The following SLIT3 variants were observed in gnomAD, a reference collection of about 807,000 sequenced individuals.
SLIT3 encodes slit homolog 3 protein.
In SLIT3, 68 loss-of-function variants were observed where a neutral mutation model predicts 184.0. The observed-to-expected ratio is 0.37, with a 90% CI of 0.30 to 0.45. The LOEUF is 0.45. Among genes scored for constraint, SLIT3 ranks in the 20% least tolerant of loss-of-function variants. The pLI, the probability that SLIT3 is intolerant of heterozygous loss-of-function variation, is 1.00. For missense variants in SLIT3, 1,707 were observed against 2,026.0 expected, an observed-to-expected ratio of 0.84 and a Z score of 3.02; for synonymous variants, 831 against 828.6, an observed-to-expected ratio of 1.00 and a Z score of -0.05.
chr5:168,967,623 G>A (rs1031371407), intron 4 of SLIT3, among the ~76,000 whole-genome samples: 2 of 142,168 alleles, frequency 1.4e-5, no homozygotes, highest in African/African-American at 5.0e-5. Flanking sequence ...TGTATTTTTA[G>A]TAGAGACGGG....
chr5:169,234,892 G>A (rs1366143765), intron 3 of SLIT3, among the ~76,000 whole-genome samples: 1 of 152,036 alleles, frequency 6.6e-6, no homozygotes, highest in Non-Finnish European at 1.5e-5. Flanking sequence ...ATAAGGTTTT[G>A]GCATCAAAAA....
intron 4 of SLIT3, among the ~76,000 whole-genome samples, chr5:169,080,756 G>A (rs756464983): frequency 3.3e-5 from 5 of 152,094 alleles, no homozygotes; most frequent in Non-Finnish European, 7.4e-5. Flanking sequence ...CTGCAGTTAC[G>A]TCCTCAGCTG....
chr5:168,755,122 C>T (rs917129842), intron 16 of SLIT3, among the ~76,000 whole-genome samples: 1 of 152,158 alleles, frequency 6.6e-6, no homozygotes. Context: ...CGATGGCTGT[C>T]GGACTCATTT....
chr5:169,167,902 C>T (rs1043028800), intron 4 of SLIT3, among the ~76,000 whole-genome samples: 1 of 152,242 alleles, frequency 6.6e-6, no homozygotes, highest in Admixed American at 6.5e-5. Flanking sequence ...CAAGGAACTT[C>T]TCCATAATTT....
At chr5:168,775,777 A>G (rs1436620654) in intron 12 of SLIT3, among the ~76,000 whole-genome samples, 1 of 152,148 alleles carries the variant, frequency 6.6e-6, no homozygotes, top group East Asian at 1.9e-4. Context: ...ATCCATGAGG[A>G]AGCTGTTTTT....
At chr5:169,256,325 C>A (rs576277468) in intron 1 of SLIT3, among the ~76,000 whole-genome samples, 14 of 152,160 alleles carry the variant, frequency 9.2e-5, no homozygotes, top group Non-Finnish European at 8.8e-5. Flanking sequence ...TCTAGATACA[C>A]AAATACTCAC....
intron 4 of SLIT3, among the ~76,000 whole-genome samples, chr5:169,165,617 C>T (rs1210996249): frequency 6.6e-6 from 1 of 151,982 alleles, no homozygotes; most frequent in Non-Finnish European, 1.5e-5. Context: ...CATATGGCTC[C>T]TTCCCTCACC....
intron 5 of SLIT3, among the ~76,000 whole-genome samples, chr5:168,846,670 A>T (rs1758484276): frequency 6.6e-6 from 1 of 152,218 alleles, no homozygotes; most frequent in Non-Finnish European, 1.5e-5. Context: ...GATCTAAATC[A>T]TCACATTGGG....
chr5:168,858,706 T>A (rs1758994143), intron 5 of SLIT3, among the ~76,000 whole-genome samples: 1 of 152,268 alleles, frequency 6.6e-6, no homozygotes, highest in Non-Finnish European at 1.5e-5. Context: ...TGTCTTCCTA[T>A]ACTTCCTTAA....
At chr5:168,907,508 G>C (rs1038922743) in intron 4 of SLIT3, among the ~76,000 whole-genome samples, 34 of 152,300 alleles carry the variant, frequency 2.2e-4, no homozygotes, top group African/African-American at 7.9e-4. Flanking sequence ...CATCAGTCGT[G>C]AGTTCTGGGT....
chr5:169,067,562 G>C (rs952793439), intron 4 of SLIT3, among the ~76,000 whole-genome samples: 1 of 152,232 alleles, frequency 6.6e-6, no homozygotes, highest in African/African-American at 2.4e-5. Context: ...GTCCAATGCT[G>C]ATGTTGCGGA....
intron 4 of SLIT3, among the ~76,000 whole-genome samples, chr5:169,077,541 A>AAG (rs900677289): frequency 6.6e-6 from 1 of 152,026 alleles, no homozygotes; most frequent in African/African-American, 2.4e-5. Flanking sequence ...CCCGTCTCAA[A>AAG]AAAACAAAAA....
intron 4 of SLIT3, chr5:169,012,865 T>TA (rs1260024376): frequency 6.6e-6 from 1 of 152,260 alleles, no homozygotes; most frequent in African/African-American, 2.4e-5. Context: ...GGCCATTACC[T>TA]ACTCACGGAG....
chr5:168,866,119 G>A (rs576253053), intron 5 of SLIT3, among the ~76,000 whole-genome samples: 8 of 152,230 alleles, frequency 5.3e-5, no homozygotes, highest in Admixed American at 2.6e-4. Context: ...AAACTGGCCC[G>A]GGACAGATGG....
chr5:169,190,115 C>CAT (rs1763501140), intron 4 of SLIT3, among the ~76,000 whole-genome samples: 1 of 152,152 alleles, frequency 6.6e-6, no homozygotes, highest in African/African-American at 2.4e-5. Context: ...CAGAGGACAC[C>CAT]ATCTCATTAG....
intron 14 of SLIT3, among the ~76,000 whole-genome samples, chr5:168,771,832 T>A (rs1755558781): frequency 6.6e-6 from 1 of 152,172 alleles, no homozygotes; most frequent in Non-Finnish European, 1.5e-5. Flanking sequence ...CACGCTGGCA[T>A]TCTCCCCGGG....
chr5:169,163,364 T>A (rs1762538035), intron 4 of SLIT3, among the ~76,000 whole-genome samples: 2 of 152,104 alleles, frequency 1.3e-5, no homozygotes, highest in African/African-American at 2.4e-5. Flanking sequence ...TTCATCTGAT[T>A]TACATGACTT....
At chr5:169,088,346 T>C (rs1348686322) in intron 4 of SLIT3, among the ~76,000 whole-genome samples, 3 of 151,880 alleles carry the variant, frequency 2.0e-5, no homozygotes, top group Non-Finnish European at 2.9e-5. Flanking sequence ...GTTTGCAAAA[T>C]GCTGAGATCC....
At chr5:168,671,931 T>C (rs1225008902) in intron 33 of SLIT3, among the ~76,000 whole-genome samples, 3 of 150,100 alleles carry the variant, frequency 2.0e-5, no homozygotes, top group Non-Finnish European at 4.4e-5. Context: ...GCTGAGGAGA[T>C]AAGATAAGGT....
Sources: gnomAD v4.1 joint callset for allele counts (sites outside exome capture counted in the v4.1 genomes callset) on GRCh38, gnomAD v4.1.1 for gene constraint, MANE v1.5 for transcripts, NCBI Gene and HGNC (gene_info 2026-07-23, HGNC 2026-07-21) for gene names.